The following SLC24A3 variants were observed in gnomAD, a reference collection of about 807,000 sequenced individuals.
The protein encoded by SLC24A3 is solute carrier family 24 member 3.
SLC24A3 carries 28 observed loss-of-function variants against 75.8 expected under a neutral mutation model. The observed-to-expected ratio is 0.37, with a 90% CI of 0.27 to 0.51. The LOEUF is 0.51. SLC24A3 is among the 20% of genes least tolerant of loss of function. SLC24A3 has a pLI of 0.94. For synonymous variants in SLC24A3, 372 were observed against 334.1 expected (o/e 1.11, Z -1.24); for missense variants, 663 against 847.8 (o/e 0.78, Z 2.71).
chr20:19,585,151 C>A, intron 5 of SLC24A3, 96 bp downstream of exon 5: 1 of 1,125,008 alleles, frequency 8.9e-7, no homozygotes, highest in South Asian at 1.5e-5. Flanking sequence ...GTCTGCCACT[C>A]ATAGAAAATG....
chr20:19,677,994 C>T (rs1307222701), intron 9 of SLC24A3, among the ~76,000 whole-genome samples: 1 of 151,540 alleles, frequency 6.6e-6, no homozygotes, highest in Non-Finnish European at 1.5e-5. Context: ...GTGGACACAG[C>T]ACATGTTTCA....
chr20:19,556,709 T>C (rs1057486468), intron 3 of SLC24A3, among the ~76,000 whole-genome samples: 4 of 152,198 alleles, frequency 2.6e-5, no homozygotes, highest in African/African-American at 9.7e-5. Context: ...TGATTAGTTT[T>C]GTGAAATTCT....
chr20:19,531,136 GC>G (rs2030290593), intron 3 of SLC24A3, among the ~76,000 whole-genome samples: 1 of 151,938 alleles, frequency 6.6e-6, no homozygotes, highest in South Asian at 2.1e-4. Context: ...GAGCAGAAAG[GC>G]CCCCTGATGT....
chr20:19,444,649 A>G (rs1337806339), intron 2 of SLC24A3, among the ~76,000 whole-genome samples: 1 of 152,160 alleles, frequency 6.6e-6, no homozygotes, highest in African/African-American at 2.4e-5. Flanking sequence ...TTCAATGTCA[A>G]TGCAATAAGT....
intron 1 of SLC24A3, 69 bp from the exon 2 acceptor site, chr20:19,280,890 G>A (rs1283989927): frequency 1.4e-5 from 21 of 1,552,164 alleles, no homozygotes; most frequent in Admixed American, 7.5e-5. Context: ...AGGGCAGCGG[G>A]CATGCAGCGT....
chr20:19,376,606 GT>G (rs1986087658), intron 2 of SLC24A3, among the ~76,000 whole-genome samples: 1 of 151,332 alleles, frequency 6.6e-6, no homozygotes, highest in South Asian at 2.1e-4. Flanking sequence ...AGTGTTCCAA[GT>G]TTTCTGAAAG....
chr20:19,447,456 A>G (rs1043493027), intron 2 of SLC24A3, among the ~76,000 whole-genome samples: 1 of 152,192 alleles, frequency 6.6e-6, no homozygotes, highest in Non-Finnish European at 1.5e-5. Flanking sequence ...CAGAGCCCCA[A>G]GCAGTACGAC....
rs1291604899 is a variant in SLC24A3 at position 19,679,867 on chromosome 20, A to C, written c.768-1991A>C. Among the ~76,000 whole-genome samples, 3 of 151,382 alleles carry C rather than the reference A, an allele frequency of 2.0e-5. No individual in the cohort carries two copies. The East Asian group carries it at 5.8e-4, about 29-fold the overall frequency. ...TGCTGCTGTGTCTGTATGTGTGTGC[A>C]TGTGTGTGTGTGCATTTTCCTTGCA... On this transcript the variant is annotated intron_variant, in intron 9 of 16. Transcript: ENST00000328041.
At chr20:19,316,749 G>A (rs974454675) in intron 2 of SLC24A3, among the ~76,000 whole-genome samples, 1 of 152,188 alleles carries the variant, frequency 6.6e-6, no homozygotes, top group African/African-American at 2.4e-5. Flanking sequence ...CTTTGCTGAG[G>A]AGGCAGACTT....
intron 2 of SLC24A3, among the ~76,000 whole-genome samples, chr20:19,453,625 C>T (rs1380311545): frequency 3.3e-5 from 5 of 152,180 alleles, no homozygotes; most frequent in Non-Finnish European, 7.3e-5. Flanking sequence ...GACAGATGGT[C>T]AGTGTTGAAG....
intron 2 of SLC24A3, chr20:19,284,632 C>A: frequency 6.6e-6 from 1 of 152,284 alleles, no homozygotes; most frequent in Non-Finnish European, 1.5e-5. Context: ...AGGTCACAGG[C>A]AGGAGTTAAT....
chr20:19,676,075 G>C (rs2032519593), intron 9 of SLC24A3, among the ~76,000 whole-genome samples: 1 of 152,166 alleles, frequency 6.6e-6, no homozygotes, highest in South Asian at 2.1e-4. Flanking sequence ...TAATTTTCAT[G>C]AAAGTATGTT....
intron 2 of SLC24A3, among the ~76,000 whole-genome samples, chr20:19,367,900 G>C (rs1433955255): frequency 2.0e-5 from 3 of 152,202 alleles, no homozygotes; most frequent in African/African-American, 7.2e-5. Flanking sequence ...ATCACTGGAT[G>C]TCTGCTGAGT....
intron 3 of SLC24A3, among the ~76,000 whole-genome samples, chr20:19,521,843 G>A (rs1300202371): frequency 1.3e-5 from 2 of 152,178 alleles, no homozygotes; most frequent in African/African-American, 2.4e-5. Context: ...GGCAGGAGGT[G>A]CAGAAGGCCC....
At chr20:19,545,614 A>T (rs2122592249) in intron 3 of SLC24A3, among the ~76,000 whole-genome samples, 2 of 152,088 alleles carry the variant, frequency 1.3e-5, no homozygotes, top group South Asian at 4.2e-4. Flanking sequence ...CTGCGTTGCC[A>T]CCCCTCATCC....
chr20:19,524,940 GCTCTAA>G (rs1165903946), intron 3 of SLC24A3, among the ~76,000 whole-genome samples: 1 of 152,168 alleles, frequency 6.6e-6, no homozygotes, highest in Non-Finnish European at 1.5e-5. Context: ...CCAACCAAAT[GCTCTAA>G]TTTATCAGGG....
intron 2 of SLC24A3, among the ~76,000 whole-genome samples, chr20:19,511,468 C>T (rs1051282869): frequency 1.3e-5 from 2 of 152,186 alleles, no homozygotes; most frequent in South Asian, 4.1e-4. Context: ...GCTGGGACTA[C>T]AGGCGCCCGC....
chr20:19,333,353 G>A (rs1033892569), intron 2 of SLC24A3, among the ~76,000 whole-genome samples: 1 of 152,094 alleles, frequency 6.6e-6, no homozygotes, highest in Non-Finnish European at 1.5e-5. Flanking sequence ...TTACAACCAG[G>A]GTGCTCAAAC....
At chr20:19,322,667 C>G (rs1286841148) in intron 2 of SLC24A3, among the ~76,000 whole-genome samples, 1 of 152,148 alleles carries the variant, frequency 6.6e-6, no homozygotes, top group Non-Finnish European at 1.5e-5. Flanking sequence ...TTATCGAGCA[C>G]TGGTCTTAAA....
Sources: allele counts gnomAD v4.1 joint callset (sites outside exome capture counted in the v4.1 genomes callset), GRCh38; gene constraint gnomAD v4.1.1; transcripts MANE v1.5; gene names NCBI Gene and HGNC (gene_info 2026-07-23, HGNC 2026-07-21).